ZMYM2: variants seen among roughly 807,000 people sequenced by gnomAD.
ZMYM2 encodes zinc finger MYM-type containing 2, also known as zinc finger MYM-type protein 2.
Under a neutral mutation model 162.8 loss-of-function variants are expected in ZMYM2, and 56 were observed. The ratio of observed to expected loss-of-function variants is 0.34; its 90% CI spans 0.28 to 0.43. The LOEUF is 0.43. Ranked by LOEUF, ZMYM2 falls within the 20% of genes least tolerant of loss-of-function variation. The probability of loss-of-function intolerance (pLI) is 1.00; values close to 1 mark genes in which losing one functional copy is unlikely to be tolerated. For missense variants in ZMYM2, 1,275 were observed against 1,621.8 expected (o/e 0.79, Z 3.67); for synonymous variants, 510 against 541.6 (o/e 0.94, Z 0.81).
At chr13:19,909,787 T>C in the ZMYM2 span, among the ~76,000 whole-genome samples, 1 of 152,120 alleles carries the variant, frequency 6.6e-6, no homozygotes, top group Non-Finnish European at 1.5e-5. Flanking sequence ...ACCTCTAAAG[T>C]GCAACCCAGG....
At chr13:19,961,554 T>G (rs1955210148) in intron 2 of ZMYM2, among the ~76,000 whole-genome samples, 1 of 152,196 alleles carries the variant, frequency 6.6e-6, no homozygotes, top group Non-Finnish European at 1.5e-5. Flanking sequence ...TCACAAAAGA[T>G]TTATCTTTCT....
chr13:19,976,473 A>AT (rs1448061782), intron 2 of ZMYM2, among the ~76,000 whole-genome samples: 2 of 152,136 alleles, frequency 1.3e-5, no homozygotes, highest in Admixed American at 6.5e-5. Context: ...TCAGCTCAAT[A>AT]TTAGTCGGTA....
chr13:19,978,574 G>A (rs1284558114), intron 2 of ZMYM2, among the ~76,000 whole-genome samples: 3 of 151,968 alleles, frequency 2.0e-5, no homozygotes, highest in East Asian at 1.9e-4. Context: ...GTGCCACCAC[G>A]CCAGCTAATT....
chr13:20,088,799 A>G lies in ZMYM2; in HGVS notation c.*2785A>G, dbSNP rs913994628. The G allele has an allele frequency of 5.1e-6, 1 of 194,236 alleles. No homozygotes were observed. Among genetic ancestry groups the G allele is most frequent in the African/African-American group, 2.3e-5 (1 of 43,238 alleles). The allele number at this position is 194,236 out of a possible 1,614,324, so 12.0% of individuals were successfully genotyped here. A position where few individuals can be genotyped will look rare whatever the true frequency, so the allele number is the denominator to read the frequency against. On this transcript the variant is annotated 3_prime_UTR_variant, in exon 25 of 25. Coordinates refer to ENST00000610343, the MANE Select transcript of ZMYM2 (RefSeq NM_197968.4). ...GACTTTCCCTTTGTCCTTTCTAGTT[A>G]TGACTTGGGAATGGGGTAACTTCTT...
intron 3 of ZMYM2, among the ~76,000 whole-genome samples, chr13:20,000,504 C>T (rs949990509): frequency 6.6e-6 from 1 of 152,154 alleles, no homozygotes; most frequent in African/African-American, 2.4e-5. Context: ...TGCTCATTTA[C>T]CATTCTGAAA....
intron 12 of ZMYM2, among the ~76,000 whole-genome samples, chr13:20,044,588 C>T (rs1178668626): frequency 6.6e-6 from 1 of 152,172 alleles, no homozygotes; most frequent in Admixed American, 6.5e-5. Context: ...TTTATAAAGT[C>T]AGTCTCTTTT....
chr13:19,911,989 C>T, the ZMYM2 span, among the ~76,000 whole-genome samples: 2 of 152,196 alleles, frequency 1.3e-5, no homozygotes, highest in African/African-American at 4.8e-5. Context: ...GGCCCCTGTG[C>T]CAGAAGACAG....
intron 2 of ZMYM2, among the ~76,000 whole-genome samples, chr13:19,969,507 A>G (rs61952367): frequency 0.019 from 2,911 of 152,306 alleles, 42 homozygotes; most frequent in Non-Finnish European, 0.029. Context: ...AGTGCTGTCA[A>G]GCATGTTTTT....
chr13:19,907,262 A>G, the ZMYM2 span, among the ~76,000 whole-genome samples: 1 of 152,130 alleles, frequency 6.6e-6, no homozygotes, highest in African/African-American at 2.4e-5. Flanking sequence ...ATGATTCTGG[A>G]TCAATCATAT....
chr13:19,897,547 G>T, the ZMYM2 span, among the ~76,000 whole-genome samples: 6 of 150,086 alleles, frequency 4.0e-5, no homozygotes, highest in East Asian at 2.0e-4. Flanking sequence ...AGCCCAGGTC[G>T]CACAATATTA....
chr13:19,963,078 A>T (rs1328303326), intron 2 of ZMYM2, among the ~76,000 whole-genome samples: 1 of 151,986 alleles, frequency 6.6e-6, no homozygotes, highest in Non-Finnish European at 1.5e-5. Flanking sequence ...AGCTCCGGTG[A>T]TCTGCCCGCC....
intron 19 of ZMYM2, 163 bp from the exon 20 acceptor site, chr13:20,066,688 A>G (rs1956704565): frequency 9.1e-6 from 5 of 547,346 alleles, no homozygotes; most frequent in Non-Finnish European, 1.5e-5. Context: ...TTGGAGAGGC[A>G]GGCACACAGA....
Position 20,052,258 on chromosome 13 carries a change from A to AT in ZMYM2, c.2459-12dup, listed in dbSNP as rs771771326. 10 of 1,545,096 alleles carry AT rather than the reference A, an allele frequency of 6.5e-6. No homozygotes were observed. Among genetic ancestry groups the AT allele is most frequent in the South Asian group, 3.7e-5 (3 of 81,722 alleles). ...AGAAAGAGTATTTGTCTTATTTTAA[A>AT]TTTTTTTGTGTTTTTTAGATCAGGG... On this transcript the variant is annotated intron_variant, in intron 13 of 24. Transcript: ENST00000610343.
chr13:20,064,901 G>A (rs1374310235), intron 19 of ZMYM2, among the ~76,000 whole-genome samples: 3 of 151,960 alleles, frequency 2.0e-5, no homozygotes, highest in Non-Finnish European at 4.4e-5. Flanking sequence ...GAAAACAGTT[G>A]CTAAAGTAGT....
chr13:20,070,786 T>A (rs1282459819), intron 21 of ZMYM2: 1 of 152,578 alleles, frequency 6.6e-6, no homozygotes, highest in Non-Finnish European at 1.5e-5. Context: ...TGGGATTACA[T>A]GCGTGAGCCA....
chr13:19,959,681 C>A (rs985233336), intron 1 of ZMYM2, among the ~76,000 whole-genome samples: 1 of 152,108 alleles, frequency 6.6e-6, no homozygotes, highest in Non-Finnish European at 1.5e-5. Flanking sequence ...GTTTTCCCTT[C>A]CCCCCTCCCT....
At chr13:20,064,755 A>C (rs909100069) in intron 19 of ZMYM2, among the ~76,000 whole-genome samples, 4 of 151,488 alleles carry the variant, frequency 2.6e-5, no homozygotes, top group Non-Finnish European at 5.9e-5. Context: ...TAGAAATAGT[A>C]ATTATTACTA....
chr13:20,034,155 T>C, intron 10 of ZMYM2, 99 bp from the exon 11 acceptor site: 1 of 1,120,006 alleles, frequency 8.9e-7, no homozygotes. Context: ...GTCTTAACAT[T>C]AAATAGGTAA....
the ZMYM2 span, among the ~76,000 whole-genome samples, chr13:19,867,049 T>C: frequency 1.3e-5 from 2 of 152,158 alleles, no homozygotes; most frequent in African/African-American, 4.8e-5. Flanking sequence ...AATTTATTTA[T>C]TCTTTGAAAG....
Sources: allele counts gnomAD v4.1 joint callset (sites outside exome capture counted in the v4.1 genomes callset), GRCh38; gene constraint gnomAD v4.1.1; transcripts MANE v1.5; gene names NCBI Gene and HGNC (gene_info 2026-07-23, HGNC 2026-07-21).